Variants in FAM118A observed in about 807,000 individuals in gnomAD.
FAM118A encodes SIR2 antiphage like 2, also known as protein FAM118A.
A neutral mutation model predicts 38.2 loss-of-function variants in FAM118A; 25 were observed. The observed-to-expected ratio is 0.65, with a 90% CI of 0.48 to 0.91. The LOEUF (loss-of-function observed/expected upper bound fraction) is 0.91, where lower values mean the gene tolerates loss of function less well. Ranked by LOEUF, FAM118A falls within the 40% of genes least tolerant of loss-of-function variation. The pLI is 0.00. For missense variants in FAM118A, 425 were observed against 463.3 expected, an observed-to-expected ratio of 0.92 and a Z score of 0.76; for synonymous variants, 178 against 184.1, an observed-to-expected ratio of 0.97 and a Z score of 0.27.
chr22:45,335,027 G>T, intron 6 of FAM118A: 1 of 361,646 alleles, frequency 2.8e-6, no homozygotes, highest in Non-Finnish European at 5.0e-6. Context: ...CTGTGACTGT[G>T]TCATGAAGGA....
chr22:45,339,975 A>G (rs2146732528), intron 8 of FAM118A, among the ~76,000 whole-genome samples: 1 of 152,376 alleles, frequency 6.6e-6, no homozygotes. Context: ...TCTGTTGTAC[A>G]GAAAGCCCTG....
At chr22:45,335,202 G>A in intron 6 of FAM118A, 148 bp from the exon 7 acceptor site, 2 of 745,674 alleles carry the variant, frequency 2.7e-6, no homozygotes, top group African/African-American at 1.8e-5. Context: ...AGGGCAGCGA[G>A]CAGCGCAGGA....
intron 1 of FAM118A, among the ~76,000 whole-genome samples, chr22:45,314,077 AT>A: frequency 6.6e-6 from 1 of 151,964 alleles, no homozygotes; most frequent in Admixed American, 6.6e-5. Flanking sequence ...GCCAGTACTG[AT>A]TTGTTGGCCA....
chr22:45,331,427 G>A (rs2085710400), intron 5 of FAM118A, among the ~76,000 whole-genome samples: 1 of 152,250 alleles, frequency 6.6e-6, no homozygotes, highest in African/African-American at 2.4e-5. Flanking sequence ...CCAGGCTGAA[G>A]TGCAGTGGCA....
At chr22:45,324,241 AATCCCCACCT>A (rs1412434608) in intron 3 of FAM118A, among the ~76,000 whole-genome samples, 1 of 152,228 alleles carries the variant, frequency 6.6e-6, no homozygotes, top group Non-Finnish European at 1.5e-5. Context: ...GCACCTTTAT[AATCCCCACCT>A]AGAGACCCGG....
chr22:45,316,586 A>C (rs1291747061), intron 1 of FAM118A, among the ~76,000 whole-genome samples: 1 of 152,184 alleles, frequency 6.6e-6, no homozygotes, highest in Non-Finnish European at 1.5e-5. Context: ...GTCAGAATGC[A>C]GTGGATAGAT....
At chr22:45,320,475 G>A (rs1229240191) in intron 1 of FAM118A, among the ~76,000 whole-genome samples, 12 of 104,464 alleles carry the variant, frequency 1.1e-4, no homozygotes, top group Non-Finnish European at 2.0e-4. Flanking sequence ...CTCACTCTGC[G>A]ACCCAGGCTG....
chr22:45,318,272 A>G (rs2084695059), intron 1 of FAM118A: 1 of 152,230 alleles, frequency 6.6e-6, no homozygotes, highest in South Asian at 2.1e-4. Flanking sequence ...TGCTGGGGCC[A>G]GATTTTGCTT....
chr22:45,339,858 G>T (rs1024788093), intron 8 of FAM118A, among the ~76,000 whole-genome samples: 1 of 152,158 alleles, frequency 6.6e-6, no homozygotes, highest in Non-Finnish European at 1.5e-5. Context: ...TTGGGCAGGG[G>T]TTTTCTTCAA....
intron 8 of FAM118A, among the ~76,000 whole-genome samples, chr22:45,338,961 A>G (rs934084762): frequency 2.0e-5 from 3 of 152,224 alleles, no homozygotes; most frequent in Non-Finnish European, 4.4e-5. Flanking sequence ...AGTGAATTAT[A>G]GCACAAGCGA....
At chr22:45,328,797 AAAAG>A (rs777122635) in intron 4 of FAM118A, 95 of 268,284 alleles carry the variant, frequency 3.5e-4, no homozygotes, top group South Asian at 5.5e-4. Flanking sequence ...AAGAAAAAAA[AAAAG>A]AAATACCTGA....
At chr22:45,333,721 AT>A (rs1371399116) in intron 6 of FAM118A, among the ~76,000 whole-genome samples, 1 of 150,080 alleles carries the variant, frequency 6.7e-6, no homozygotes, top group African/African-American at 2.5e-5. Context: ...GACATCTGTG[AT>A]ACCAGCTACT....
chr22:45,322,611 G>T (rs2084946036), intron 2 of FAM118A, among the ~76,000 whole-genome samples, 185 bp downstream of exon 2: 1 of 152,202 alleles, frequency 6.6e-6, no homozygotes, highest in Admixed American at 6.5e-5. Flanking sequence ...CCAGAAGGCA[G>T]CTTTCTGCCC....
At position 45,340,710 on chromosome 22, in the gene FAM118A, GCT is replaced by G. The variant is rs2086418872; in HGVS notation, c.*310_*311del. 1 of 449,030 alleles carries G rather than the reference GCT, an allele frequency of 2.2e-6. No homozygotes were observed. The highest frequency in any genetic ancestry group is 3.9e-6 in the Non-Finnish European group (1 of 253,528). The allele number at this position is 449,030 out of a possible 1,614,324, so 27.8% of individuals were successfully genotyped here. ...TGGTGTTCCCGTTCCCATCTGACAG[GCT>G]CTCTTTTGTCAAGGTGGTATTTTTC... is the stretch of plus-strand genomic sequence containing the variant. On this transcript the variant is annotated 3_prime_UTR_variant, in exon 9 of 9. Transcript: ENST00000441876.
At chr22:45,328,751 C>G in intron 4 of FAM118A, 1 of 428,600 alleles carries the variant, frequency 2.3e-6, no homozygotes, top group Non-Finnish European at 4.3e-6. Context: ...GTACTCCAGC[C>G]TGGGCAAGAG....
intron 8 of FAM118A, among the ~76,000 whole-genome samples, chr22:45,336,889 G>A (rs2146718884): frequency 6.6e-6 from 1 of 152,310 alleles, no homozygotes; most frequent in South Asian, 2.1e-4. Context: ...TGAGTCTCTG[G>A]AGAAAAGCAC....
In FAM118A at chr22:45,322,257, A is replaced by G. The variant is rs765701944; in HGVS notation, c.-9-114A>G. 8 of 1,568,132 alleles carry G rather than the reference A, an allele frequency of 5.1e-6. No homozygotes were observed. In the African/African-American group the frequency reaches 8.1e-5, roughly 16 times the overall value. Reference sequence around the variant, plus strand: ...TGACATTTTTCAGATATTATAATTTAAGTAAAGATTGAGGACCTTTGATTT... The same window carrying G: ...TGACATTTTTCAGATATTATAATTTGAGTAAAGATTGAGGACCTTTGATTT... On this transcript the variant is annotated intron_variant, in intron 1 of 8. Transcript: ENST00000441876.
chr22:45,337,974 C>T (rs964005387), intron 8 of FAM118A: 5 of 893,032 alleles, frequency 5.6e-6, no homozygotes, highest in Admixed American at 6.2e-5. Context: ...TGAAGGTACC[C>T]GTTGCTTTTT....
At chr22:45,337,104 A>ATTT in intron 8 of FAM118A, among the ~76,000 whole-genome samples, 1 of 151,978 alleles carries the variant, frequency 6.6e-6, no homozygotes, top group African/African-American at 2.4e-5. Flanking sequence ...CTCATTCTTT[A>ATTT]AATAACATAC....
Sources: allele counts gnomAD v4.1 joint callset (sites outside exome capture counted in the v4.1 genomes callset), GRCh38; gene constraint gnomAD v4.1.1; transcripts MANE v1.5; gene names NCBI Gene and HGNC (gene_info 2026-07-23, HGNC 2026-07-21).